The following TUBA1C variants were observed in gnomAD, a reference collection of about 807,000 sequenced individuals.
TUBA1C encodes the protein tubulin alpha-1C chain.
Under a neutral mutation model 34.9 loss-of-function variants are expected in TUBA1C, and 16 were observed. That is an observed-to-expected ratio of 0.46 (90% CI 0.31 to 0.70). TUBA1C has a LOEUF of 0.70. Among genes scored for constraint, TUBA1C ranks in the 30% least tolerant of loss-of-function variants. The pLI is 0.05. For missense variants in TUBA1C, 329 were observed against 587.3 expected (o/e 0.56, Z 4.55); for synonymous variants, 177 against 215.9 (o/e 0.82, Z 1.58).
At chr12:49,255,637 C>A (rs1942776380) in intron 1 of TUBA1C, among the ~76,000 whole-genome samples, 1 of 152,108 alleles carries the variant, frequency 6.6e-6, no homozygotes, top group African/African-American at 2.4e-5. Context: ...CAGCTCACTG[C>A]AACCTCCACC....
At chr12:49,252,918 A>T (rs998281179) in intron 1 of TUBA1C, among the ~76,000 whole-genome samples, 1 of 151,546 alleles carries the variant, frequency 6.6e-6, no homozygotes, top group Non-Finnish European at 1.5e-5. Flanking sequence ...CCATCACAAA[A>T]CAGAAACAAA....
chr12:49,243,025 C>G (rs1461864922), intron 1 of TUBA1C, among the ~76,000 whole-genome samples: 1 of 152,096 alleles, frequency 6.6e-6, no homozygotes. Flanking sequence ...TCGGGCTGGT[C>G]TCGAACTTCT....
chr12:49,263,751 A>G (rs539074424), upstream of TUBA1C, among the ~76,000 whole-genome samples: 3 of 152,358 alleles, frequency 2.0e-5, no homozygotes, highest in South Asian at 6.2e-4. Context: ...CAGAAATAAA[A>G]GGCGCTTCTG....
intron 1 of TUBA1C, among the ~76,000 whole-genome samples, chr12:49,237,412 G>A (rs755066829): frequency 1.3e-5 from 2 of 149,280 alleles, no homozygotes; most frequent in Non-Finnish European, 3.0e-5. Context: ...GTGAAACTCC[G>A]TCTCAAAAAA....
intron 1 of TUBA1C, among the ~76,000 whole-genome samples, chr12:49,255,189 C>G (rs1447816840): frequency 6.6e-6 from 1 of 152,010 alleles, no homozygotes; most frequent in Non-Finnish European, 1.5e-5. Flanking sequence ...TTTAATCACA[C>G]TATAAGCCAG....
chr12:49,256,827 A>G (rs1022238451), intron 1 of TUBA1C, among the ~76,000 whole-genome samples: 2 of 152,158 alleles, frequency 1.3e-5, no homozygotes, highest in Non-Finnish European at 2.9e-5. Context: ...TGGGGAAATA[A>G]ACATGTAATT....
intron 1 of TUBA1C, among the ~76,000 whole-genome samples, chr12:49,229,739 T>C (rs1942476544): frequency 6.6e-6 from 1 of 152,084 alleles, no homozygotes. Context: ...AGATAAATGG[T>C]GCCATGTTGT....
intron 1 of TUBA1C, among the ~76,000 whole-genome samples, chr12:49,243,761 A>G (rs1255524573): frequency 6.6e-6 from 1 of 151,568 alleles, no homozygotes; most frequent in Non-Finnish European, 1.5e-5. Flanking sequence ...AAATCAGCTC[A>G]TTGCAAACCA....
intron 1 of TUBA1C, among the ~76,000 whole-genome samples, chr12:49,241,153 C>T (rs1160053022): frequency 1.3e-5 from 2 of 152,132 alleles, no homozygotes; most frequent in Non-Finnish European, 2.9e-5. Flanking sequence ...CCGCCCGCCT[C>T]GGCCTCCCAA....
intron 1 of TUBA1C, among the ~76,000 whole-genome samples, chr12:49,266,734 A>G (rs1942919564): frequency 6.6e-6 from 1 of 151,884 alleles, no homozygotes; most frequent in African/African-American, 2.4e-5. Context: ...CTGTAGTCCC[A>G]GCTTCTCGGG....
intron 1 of TUBA1C, among the ~76,000 whole-genome samples, chr12:49,240,304 AAAAAAAAAAAAG>A (rs1942601494): frequency 6.6e-6 from 1 of 151,740 alleles, no homozygotes; most frequent in Non-Finnish European, 1.5e-5. Context: ...CTGAAAAAAA[AAAAAAAAAAAAG>A]AAAGAAACAC....
chr12:49,258,974 GTC>G (rs1314419035), intron 1 of TUBA1C, among the ~76,000 whole-genome samples: 1 of 149,072 alleles, frequency 6.7e-6, no homozygotes, highest in Non-Finnish European at 1.5e-5. Context: ...GGTCAGGCTA[GTC>G]TCGAACTCCT....
At chr12:49,270,242 G>T in intron 3 of TUBA1C, 1 of 607,802 alleles carries the variant, frequency 1.6e-6, no homozygotes. Flanking sequence ...GAGTGAGTAG[G>T]TAGCTGACTT....
chr12:49,271,505 C>T (rs1054713142), intron 3 of TUBA1C, among the ~76,000 whole-genome samples: 4 of 152,198 alleles, frequency 2.6e-5, no homozygotes, highest in Non-Finnish European at 5.9e-5. Flanking sequence ...CTGTGCCAAG[C>T]ACTATGCTGA....
chr12:49,259,165 A>G (rs993031963), intron 1 of TUBA1C, among the ~76,000 whole-genome samples: 5 of 152,106 alleles, frequency 3.3e-5, no homozygotes, highest in African/African-American at 1.2e-4. Context: ...AGTGCCCTAT[A>G]TAGGTGTGCC....
At chr12:49,259,209 A>C (rs748664489) in intron 1 of TUBA1C, among the ~76,000 whole-genome samples, 9 of 151,506 alleles carry the variant, frequency 5.9e-5, no homozygotes, top group Admixed American at 1.3e-4. Flanking sequence ...TTTTACCATA[A>C]GTTTTCTATG....
chr12:49,265,842 C>T (rs1476170057), intron 1 of TUBA1C, among the ~76,000 whole-genome samples: 1 of 151,598 alleles, frequency 6.6e-6, no homozygotes, highest in African/African-American at 2.4e-5. Flanking sequence ...AACACGTCCA[C>T]AAAAGGATAT....
At chr12:49,246,406 G>A (rs889938020) in intron 1 of TUBA1C, among the ~76,000 whole-genome samples, 3 of 151,982 alleles carry the variant, frequency 2.0e-5, no homozygotes, top group African/African-American at 4.8e-5. Context: ...TTGGCCGGGC[G>A]CGGTGGCTCA....
chr12:49,266,026 A>C (rs1280528877), intron 1 of TUBA1C, among the ~76,000 whole-genome samples: 2 of 144,616 alleles, frequency 1.4e-5, no homozygotes, highest in Non-Finnish European at 1.5e-5. Context: ...GCTACTCGGG[A>C]GGCTGAGGCA....
Sources: allele counts gnomAD v4.1 joint callset (sites outside exome capture counted in the v4.1 genomes callset), GRCh38; gene constraint gnomAD v4.1.1; transcripts MANE v1.5; gene names NCBI Gene and HGNC (gene_info 2026-07-23, HGNC 2026-07-21).